Variants in TMTC1 observed in about 807,000 individuals in gnomAD.
TMTC1 encodes the protein transmembrane O-mannosyltransferase targeting cadherins 1.
TMTC1 carries 73 observed loss-of-function variants against 104.8 expected under a neutral mutation model. The ratio of observed to expected loss-of-function variants is 0.70; its 90% confidence interval spans 0.58 to 0.85. The LOEUF (loss-of-function observed/expected upper bound fraction) is 0.85. Among genes scored for constraint, TMTC1 ranks in the 40% least tolerant of loss-of-function variants. The pLI is 0.00. For synonymous variants in TMTC1, 434 were observed against 428.7 expected (o/e 1.01, Z -0.15); for missense variants, 1,035 against 1,096.1 (o/e 0.94, Z 0.79).
chr12:29,559,516 GAA>G (rs1353257661), intron 9 of TMTC1, among the ~76,000 whole-genome samples: 1 of 152,196 alleles, frequency 6.6e-6, no homozygotes, highest in Non-Finnish European at 1.5e-5. Flanking sequence ...CGAATAGTAA[GAA>G]GAGAAGTAAA....
intron 5 of TMTC1, among the ~76,000 whole-genome samples, chr12:29,748,046 C>G (rs1260529014): frequency 1.3e-5 from 2 of 152,046 alleles, no homozygotes; most frequent in East Asian, 3.8e-4. Flanking sequence ...TAACAGTAAT[C>G]AAATATATAC....
intron 2 of TMTC1, among the ~76,000 whole-genome samples, chr12:29,760,510 GA>G (rs1429680413): frequency 6.6e-6 from 1 of 152,080 alleles, no homozygotes; most frequent in Non-Finnish European, 1.5e-5. Flanking sequence ...ATTATTAAAT[GA>G]AAAAACTTAA....
At chr12:29,666,654 A>C (rs985197727) in intron 5 of TMTC1, among the ~76,000 whole-genome samples, 1 of 152,176 alleles carries the variant, frequency 6.6e-6, no homozygotes, top group Non-Finnish European at 1.5e-5. Flanking sequence ...TTCCACTGGA[A>C]ATGGTAATAG....
intron 5 of TMTC1, among the ~76,000 whole-genome samples, chr12:29,724,022 G>A (rs939322169): frequency 6.6e-6 from 1 of 152,148 alleles, no homozygotes; most frequent in Non-Finnish European, 1.5e-5. Context: ...CCAGAATATA[G>A]TGTGAATCTT....
Position 29,504,803 on chromosome 12 carries a change from C to T in TMTC1, c.*2043G>A, listed in dbSNP as rs1299646438. The T allele has an allele frequency of 6.6e-6, 1 of 152,122 alleles. No homozygotes were observed. The allele number at this position is 152,122 out of a possible 1,614,324, so 9.4% of individuals were successfully genotyped here. ...TCAAAATTTGGGGCTCAGTCTTTTCCATTAAATTTTTAAGCATGAGTTTTC... is the reference window on the plus strand; with the variant it reads ...TCAAAATTTGGGGCTCAGTCTTTTCTATTAAATTTTTAAGCATGAGTTTTC... On this transcript the variant is annotated 3_prime_UTR_variant, in exon 18 of 18. Transcript: ENST00000539277.
intron 5 of TMTC1, among the ~76,000 whole-genome samples, chr12:29,677,524 T>C (rs1358761923): frequency 6.6e-6 from 1 of 152,132 alleles, no homozygotes; most frequent in East Asian, 1.9e-4. Context: ...TATACCGCGG[T>C]AGCCCCCTTT....
At chr12:29,579,039 G>A (rs901409872) in intron 8 of TMTC1, among the ~76,000 whole-genome samples, 1 of 152,106 alleles carries the variant, frequency 6.6e-6, no homozygotes, top group African/African-American at 2.4e-5. Flanking sequence ...TAGAGATGAG[G>A]AAACTGAAGC....
chr12:29,656,321 T>G lies in TMTC1; in HGVS notation c.939-22985A>C, dbSNP rs76366944. Among the ~76,000 whole-genome samples, 238 of 136,140 alleles carry G rather than the reference T, an allele frequency of 1.7e-3. 4 individuals carry two copies. The East Asian group carries it at 0.035, about 20-fold the overall frequency. 89.3% of individuals were successfully genotyped at this position (136,140 alleles called of 152,430 possible). On this transcript the variant is annotated intron_variant, in intron 5 of 17. Coordinates refer to ENST00000539277, the MANE Select transcript of TMTC1 (RefSeq NM_001193451.2). ...CAAATGTCAGTGAAATTTCCCTGGATATATATATATATATATATACACACA... is the reference window on the plus strand; with the variant it reads ...CAAATGTCAGTGAAATTTCCCTGGAGATATATATATATATATATACACACA...
chr12:29,726,384 T>C (rs1417972051), intron 5 of TMTC1, among the ~76,000 whole-genome samples: 2 of 148,532 alleles, frequency 1.3e-5, no homozygotes, highest in Non-Finnish European at 3.0e-5. Context: ...AATACAATAT[T>C]TACTCTGTTA....
intron 7 of TMTC1, among the ~76,000 whole-genome samples, chr12:29,592,686 T>C (rs534016776): frequency 6.6e-6 from 1 of 152,350 alleles, no homozygotes; most frequent in East Asian, 1.9e-4. Flanking sequence ...CCTGACACTG[T>C]TGTTTGATCC....
At chr12:29,669,834 AT>A (rs1257894469) in intron 5 of TMTC1, among the ~76,000 whole-genome samples, 2 of 152,212 alleles carry the variant, frequency 1.3e-5, no homozygotes, top group African/African-American at 2.4e-5. Context: ...TTTTCGATTC[AT>A]TCTAACATTT....
chr12:29,643,603 A>AG (rs1939001748), intron 5 of TMTC1, among the ~76,000 whole-genome samples: 7 of 37,576 alleles, frequency 1.9e-4, no homozygotes, highest in African/African-American at 9.5e-4. Context: ...TATATTATAT[A>AG]TTATATATAA....
At chr12:29,779,480 A>G (rs1233655877) in intron 1 of TMTC1, among the ~76,000 whole-genome samples, 1 of 152,210 alleles carries the variant, frequency 6.6e-6, no homozygotes, top group Admixed American at 6.5e-5. Flanking sequence ...TTCAAATTTT[A>G]GTTCATTTCT....
intron 5 of TMTC1, among the ~76,000 whole-genome samples, chr12:29,717,365 G>T (rs1239588966): frequency 6.6e-6 from 1 of 152,186 alleles, no homozygotes; most frequent in African/African-American, 2.4e-5. Context: ...TTCTTAGCCT[G>T]AAGAATTTTC....
chr12:29,652,473 A>C (rs950182023), intron 5 of TMTC1, among the ~76,000 whole-genome samples: 1 of 152,252 alleles, frequency 6.6e-6, no homozygotes, highest in African/African-American at 2.4e-5. Flanking sequence ...TCTTAACGAC[A>C]AAAAGCAAAA....
At chr12:29,684,136 G>A (rs760737109) in intron 5 of TMTC1, among the ~76,000 whole-genome samples, 2 of 152,142 alleles carry the variant, frequency 1.3e-5, no homozygotes, top group Admixed American at 6.5e-5. Flanking sequence ...GAGCCCCTGC[G>A]TCCAACCCTT....
At chr12:29,732,457 G>A (rs1942568487) in intron 5 of TMTC1, among the ~76,000 whole-genome samples, 1 of 152,208 alleles carries the variant, frequency 6.6e-6, no homozygotes, top group African/African-American at 2.4e-5. Context: ...AAGCCAATCA[G>A]CTTATGAACA....
chr12:29,541,264 C>T (rs1260146784), intron 10 of TMTC1, among the ~76,000 whole-genome samples: 1 of 152,096 alleles, frequency 6.6e-6, no homozygotes, highest in Non-Finnish European at 1.5e-5. Flanking sequence ...TGTTCCTTAC[C>T]AAGCACACTG....
At chr12:29,511,990 G>C (rs903451500) in intron 17 of TMTC1, 53 bp downstream of exon 17, 105 of 1,497,240 alleles carry the variant, frequency 7.0e-5, no homozygotes, top group Middle Eastern at 1.7e-4. Flanking sequence ...AAGACAGAGA[G>C]AGAAAACACA....
Sources: allele counts gnomAD v4.1 joint callset (sites outside exome capture counted in the v4.1 genomes callset), GRCh38; gene constraint gnomAD v4.1.1; transcripts MANE v1.5; gene names NCBI Gene and HGNC (gene_info 2026-07-23, HGNC 2026-07-21).